The following RLN1 variants were observed in gnomAD, a reference collection of about 807,000 sequenced individuals.
RLN1 encodes the protein prorelaxin H1.
RLN1 carries 4 observed loss-of-function variants against 7.2 expected under a neutral mutation model. The ratio of observed to expected loss-of-function variants is 0.56; its 90% confidence interval spans 0.28 to 1.28. The LOEUF is 1.28. RLN1 is among the 50% of genes most tolerant of loss of function. The pLI is 0.11. For synonymous variants in RLN1, 105 were observed against 86.0 expected (o/e 1.22, Z -1.22); for missense variants, 293 against 221.1 (o/e 1.32, Z -2.06).
At position 5,335,327 on chromosome 9, in the gene RLN1, C is replaced by A. The variant is rs2131029305; in HGVS notation, c.482G>T (p.Arg161Ile). The change falls in exon 2 of 2, where the codon AGA becomes ATA. Residue 161 changes from arginine (R) to isoleucine (I), a missense_variant. Coordinates refer to ENST00000223862, the MANE Select transcript of RLN1 (RefSeq NM_006911.4). ...CTCAAACAGTGCCACGTAGGGTCGT[C>A]TCTTTTTTTGAGAATGAGTATCCAA... ...LGLDTHSQKK[R>I]RPYVALFEKC... 1 of 1,611,900 alleles carries A rather than the reference C, an allele frequency of 6.2e-7. No individual in the cohort carries two copies.
At chr9:5,336,723 CTCT>C (rs1331816550) in intron 1 of RLN1, among the ~76,000 whole-genome samples, 3 of 152,018 alleles carry the variant, frequency 2.0e-5, no homozygotes, top group African/African-American at 7.3e-5. Context: ...GGTCTTGCTG[CTCT>C]TCTTCTTGGA....
chr9:5,335,965 TCTTA>T (rs1229150947), intron 1 of RLN1, among the ~76,000 whole-genome samples: 1 of 152,092 alleles, frequency 6.6e-6, no homozygotes, highest in Non-Finnish European at 1.5e-5. Flanking sequence ...CTTGGATTCT[TCTTA>T]CTTAACTCGT....
chr9:5,336,188 T>A (rs1255703471), intron 1 of RLN1, among the ~76,000 whole-genome samples: 1 of 152,060 alleles, frequency 6.6e-6, no homozygotes, highest in Non-Finnish European at 1.5e-5. Flanking sequence ...TAACAATTTG[T>A]CTTCCCCAGA....
At chr9:5,340,050 T>G (rs1816961162), upstream of RLN1, among the ~76,000 whole-genome samples, 1 of 152,228 alleles carries the variant, frequency 6.6e-6, no homozygotes, top group Non-Finnish European at 1.5e-5. Context: ...GCTCTTTTGT[T>G]ACCCTGAAAC....
rs560151928 is a variant in RLN1 at position 5,335,016 on chromosome 9, G to T, written c.*235C>A. 2.6e-6 allele frequency: 1 copy of T among 390,770 alleles called. No homozygotes were observed. The allele number at this position is 390,770 out of a possible 1,614,324, so 24.2% of individuals were successfully genotyped here. ...AATTTTAAGTTAACAGCATTAAAAA[G>T]AATCAACACAATTATACTGTTAATA... On this transcript the variant is annotated 3_prime_UTR_variant, in exon 2 of 2. Transcript: ENST00000223862.
At chr9:5,338,202 A>G (rs1270867015) in intron 1 of RLN1, among the ~76,000 whole-genome samples, 1 of 95,540 alleles carries the variant, frequency 1.0e-5, no homozygotes, top group Non-Finnish European at 2.1e-5. Context: ...TACTACTTTT[A>G]TAGTCAGAAA....
intron 1 of RLN1, among the ~76,000 whole-genome samples, chr9:5,335,832 C>G (rs1438775257): frequency 6.6e-6 from 1 of 152,006 alleles, no homozygotes; most frequent in African/African-American, 2.4e-5. Context: ...TCTCTCGTCT[C>G]TCTTCATTAT....
At chr9:5,340,236 G>A (rs2131037688), upstream of RLN1, among the ~76,000 whole-genome samples, 1 of 152,216 alleles carries the variant, frequency 6.6e-6, no homozygotes, top group Admixed American at 6.5e-5. Flanking sequence ...GGATTAATTA[G>A]TATAATGTTG....
chr9:5,336,497 C>A (rs1344164919), intron 1 of RLN1, among the ~76,000 whole-genome samples: 1 of 152,010 alleles, frequency 6.6e-6, no homozygotes, highest in Non-Finnish European at 1.5e-5. Context: ...TCTTTGTACC[C>A]ATTCAGCTCC....
Position 5,339,759 on chromosome 9 carries a change from C to G in RLN1, c.-13G>C, listed in dbSNP as rs1332621687. On this transcript the variant is annotated 5_prime_UTR_variant, in exon 1 of 2. Coordinates refer to ENST00000223862, the MANE Select transcript of RLN1 (RefSeq NM_006911.4). Reference sequence around the variant, plus strand: ...ACAGGCGAGGCATCCTGGGCCTGGTCTCTCCTGGAGGTCTGGGTGTTGCAG... The same window carrying G: ...ACAGGCGAGGCATCCTGGGCCTGGTGTCTCCTGGAGGTCTGGGTGTTGCAG... 11 of 1,613,510 alleles carry G rather than the reference C, an allele frequency of 6.8e-6. No individual in the cohort carries two copies. Among genetic ancestry groups the G allele is most frequent in the South Asian group, 1.1e-5 (1 of 91,026 alleles).
intron 1 of RLN1, among the ~76,000 whole-genome samples, chr9:5,337,814 GAAATA>G (rs1234020113): frequency 1.3e-5 from 2 of 151,896 alleles, no homozygotes; most frequent in Admixed American, 6.6e-5. Flanking sequence ...CTCTTCTAAA[GAAATA>G]AAAGTGTAGC....
In RLN1 at chr9:5,339,567, T is replaced by C; in HGVS notation, c.180A>G (p.Glu60=). The change falls in exon 1 of 2, where the codon GAA becomes GAG. Residue 60 remains glutamate (E), a synonymous_variant. Coordinates refer to ENST00000223862, the MANE Select transcript of RLN1 (RefSeq NM_006911.4). ...CTGGTCTAGGTGTCTGAGGAGCATC[T>C]TCCTGGCTCAGAGACCTTTTGCTCC... ...STWSKRSLSQ[E]DAPQTPRPVA... 1.2e-6 allele frequency: 2 copies of C among 1,605,210 alleles called. No individual in the cohort carries two copies. Among genetic ancestry groups the C allele is most frequent in the Non-Finnish European group, 1.7e-6 (2 of 1,178,072 alleles).
At chr9:5,335,694 C>A (rs1563754627) in intron 1 of RLN1, 97 bp from the exon 2 acceptor site, 1 of 714,590 alleles carries the variant, frequency 1.4e-6, no homozygotes, top group Non-Finnish European at 2.3e-6. Context: ...GAAAAGAAAG[C>A]ATTGCCTCAA....
chr9:5,339,437 T>A, intron 1 of RLN1, 99 bp downstream of exon 1: 2 of 755,882 alleles, frequency 2.6e-6, no homozygotes, highest in Non-Finnish European at 4.3e-6. Flanking sequence ...GCCAATGAGA[T>A]CTCGAGTCGG....
At chr9:5,336,731 C>G (rs1187256300) in intron 1 of RLN1, among the ~76,000 whole-genome samples, 1 of 151,964 alleles carries the variant, frequency 6.6e-6, no homozygotes, top group Non-Finnish European at 1.5e-5. Flanking sequence ...TGCTCTTCTT[C>G]TTGGACAGGA....
upstream of RLN1, among the ~76,000 whole-genome samples, chr9:5,340,497 G>A (rs1207186778): frequency 6.6e-6 from 1 of 152,046 alleles, no homozygotes; most frequent in African/African-American, 2.4e-5. Context: ...CTATGTCTCT[G>A]GAGACTGGAG....
At chr9:5,337,662 C>G (rs182078187) in intron 1 of RLN1, among the ~76,000 whole-genome samples, 1 of 152,128 alleles carries the variant, frequency 6.6e-6, no homozygotes, top group East Asian at 1.9e-4. Context: ...CTGACATGTA[C>G]TTCCAAAGCG....
chr9:5,339,944 C>A (rs1204141235), upstream of RLN1: 32 of 610,594 alleles, frequency 5.2e-5, no homozygotes, highest in Non-Finnish European at 9.1e-5. Context: ...CCACACCCCT[C>A]CACAGAATTT....
In RLN1 at chr9:5,339,667, C is replaced by G. The variant is rs760079803; in HGVS notation, c.80G>C (p.Trp27Ser). The G allele has an allele frequency of 6.2e-7, 1 of 1,613,110 alleles. No homozygotes were observed. Among genetic ancestry groups the G allele is most frequent in the South Asian group, 1.1e-5 (1 of 91,074 alleles). ...GCATAATTTAATAACATCGTCCTTC[C>G]ATTTGGCCGCGACTGCTCTGGAAAA... is the stretch of plus-strand genomic sequence containing the variant. ...NQFSRAVAAK[W>S]KDDVIKLCGR... The change falls in exon 1 of 2, where the codon TGG becomes TCG. Residue 27 changes from tryptophan to serine, a missense_variant. Transcript: ENST00000223862.
Sources: gnomAD v4.1 joint callset for allele counts (sites outside exome capture counted in the v4.1 genomes callset) on GRCh38, gnomAD v4.1.1 for gene constraint, MANE v1.5 for transcripts, NCBI Gene and HGNC (gene_info 2026-07-23, HGNC 2026-07-21) for gene names.